RFC3: variants seen among roughly 807,000 people sequenced by gnomAD.
RFC3 encodes A1 38 kDa subunit.
RFC3 carries 41 observed loss-of-function variants against 45.1 expected under a neutral mutation model. The ratio of observed to expected loss-of-function variants is 0.91; its 90% CI spans 0.71 to 1.18. RFC3 has a LOEUF of 1.18. RFC3 is among the 50% of genes most tolerant of loss of function. RFC3 has a pLI of 0.00. For synonymous variants in RFC3, 149 were observed against 144.0 expected (o/e 1.03, Z -0.25); for missense variants, 423 against 428.1 (o/e 0.99, Z 0.10).
chr13:33,820,648 G>C (rs2081993365), intron 1 of RFC3, among the ~76,000 whole-genome samples: 1 of 152,146 alleles, frequency 6.6e-6, no homozygotes, highest in Non-Finnish European at 1.5e-5. Flanking sequence ...CAAATGCACT[G>C]AATTGTTATC....
chr13:33,886,744 A>G (rs973517093), intron 8 of RFC3, among the ~76,000 whole-genome samples: 3 of 144,430 alleles, frequency 2.1e-5, no homozygotes, highest in African/African-American at 7.7e-5. Context: ...TTAACTCATC[A>G]TTTAGCATTA....
intron 8 of RFC3, among the ~76,000 whole-genome samples, chr13:33,884,473 C>T (rs1019878257): frequency 1.3e-5 from 2 of 152,284 alleles, no homozygotes; most frequent in East Asian, 3.9e-4. Flanking sequence ...CAGTTATTCT[C>T]ATTTCTACTA....
chr13:33,913,715 G>A (rs758287009), intron 8 of RFC3, among the ~76,000 whole-genome samples: 5 of 152,108 alleles, frequency 3.3e-5, no homozygotes, highest in Non-Finnish European at 5.9e-5. Flanking sequence ...GCAAGTTTCA[G>A]TGTTTGTCAA....
chr13:33,869,815 A>G (rs1422008350), intron 8 of RFC3, among the ~76,000 whole-genome samples: 1 of 152,212 alleles, frequency 6.6e-6, no homozygotes, highest in Non-Finnish European at 1.5e-5. Flanking sequence ...ATGCTAAAAT[A>G]ATGACTATCA....
At chr13:33,915,825 G>T (rs1042564043) in intron 8 of RFC3, among the ~76,000 whole-genome samples, 3 of 152,056 alleles carry the variant, frequency 2.0e-5, no homozygotes, top group African/African-American at 7.2e-5. Context: ...TTGAGAGAGA[G>T]TCTCACTCTG....
At chr13:33,828,907 G>C (rs1309749870) in intron 4 of RFC3, among the ~76,000 whole-genome samples, 1 of 152,126 alleles carries the variant, frequency 6.6e-6, no homozygotes, top group Admixed American at 6.5e-5. Context: ...AGCTTTTCCT[G>C]TCATAAAGTC....
At chr13:33,857,512 T>C (rs1174394787) in intron 8 of RFC3, among the ~76,000 whole-genome samples, 1 of 152,234 alleles carries the variant, frequency 6.6e-6, no homozygotes, top group Non-Finnish European at 1.5e-5. Flanking sequence ...AATCAGCATC[T>C]CTGGCTGACC....
intron 8 of RFC3, among the ~76,000 whole-genome samples, chr13:33,948,164 C>T (rs2082965812): frequency 2.0e-5 from 3 of 152,274 alleles, no homozygotes; most frequent in South Asian, 4.1e-4. Context: ...CCCAGGGACC[C>T]CCTGCTCCAT....
At chr13:33,976,372 C>T in the RFC3 span, among the ~76,000 whole-genome samples, 5 of 151,946 alleles carry the variant, frequency 3.3e-5, no homozygotes, top group African/African-American at 1.2e-4. Context: ...AAGTGGATCT[C>T]ATGGAAGCAG....
intron 8 of RFC3, among the ~76,000 whole-genome samples, chr13:33,905,246 A>G (rs1566023339): frequency 1.3e-5 from 2 of 149,432 alleles, no homozygotes; most frequent in Non-Finnish European, 3.0e-5. Context: ...ATTGTTCTGT[A>G]TCTTAAGCAA....
At chr13:33,933,449 T>A (rs1432927667) in intron 8 of RFC3, among the ~76,000 whole-genome samples, 1 of 152,156 alleles carries the variant, frequency 6.6e-6, no homozygotes, top group Non-Finnish European at 1.5e-5. Flanking sequence ...TAGCCACTGC[T>A]ATGATTGGGT....
intron 8 of RFC3, among the ~76,000 whole-genome samples, chr13:33,907,302 T>G (rs1457904749): frequency 2.0e-5 from 3 of 152,120 alleles, no homozygotes; most frequent in Non-Finnish European, 4.4e-5. Context: ...TTGCAATCTT[T>G]ATACACCTAA....
intron 8 of RFC3, among the ~76,000 whole-genome samples, chr13:33,906,732 A>C (rs914433340): frequency 4.6e-5 from 7 of 152,152 alleles, no homozygotes; most frequent in African/African-American, 1.7e-4. Flanking sequence ...AAAAAATTAA[A>C]AGATTAATAG....
chr13:33,973,715 A>G, the RFC3 span, among the ~76,000 whole-genome samples: 2 of 149,362 alleles, frequency 1.3e-5, no homozygotes, highest in African/African-American at 4.9e-5. Flanking sequence ...CAGTGGTGCA[A>G]TCTCGGCTCA....
In RFC3 at chr13:33,959,847, G is replaced by T. The variant is rs141444715; in HGVS notation, c.880-6240G>T. Among the ~76,000 whole-genome samples, 340 of 152,268 alleles carry T rather than the reference G, an allele frequency of 2.2e-3. 3 individuals carry two copies. The highest frequency in any genetic ancestry group is 2.6e-3 in the Non-Finnish European group (178 of 68,024). Reference sequence around the variant, plus strand: ...GACTGGGTAGTTTATAAAGAAAAGAGGTCTAATTGGCTCATGGTTCTGCAG... The same window carrying T: ...GACTGGGTAGTTTATAAAGAAAAGATGTCTAATTGGCTCATGGTTCTGCAG... On this transcript the variant is annotated intron_variant, in intron 8 of 8. Coordinates refer to the RFC3 transcript ENST00000434425.
intron 8 of RFC3, among the ~76,000 whole-genome samples, chr13:33,914,929 A>G (rs1490583437): frequency 1.3e-5 from 2 of 152,176 alleles, no homozygotes; most frequent in African/African-American, 4.8e-5. Context: ...GAAGAGTGGA[A>G]TATTCTTTTT....
At chr13:33,875,865 G>A (rs1443252730) in intron 8 of RFC3, among the ~76,000 whole-genome samples, 1 of 152,148 alleles carries the variant, frequency 6.6e-6, no homozygotes, top group Non-Finnish European at 1.5e-5. Context: ...TGGCTCGGTG[G>A]CCTTGGGCAG....
chr13:33,833,011 G>C (rs1022198304), intron 7 of RFC3, among the ~76,000 whole-genome samples: 1 of 152,162 alleles, frequency 6.6e-6, no homozygotes, highest in African/African-American at 2.4e-5. Context: ...AACTTGTGCA[G>C]GAAGCGGTGC....
chr13:33,837,581 T>C (rs1340541614), downstream of RFC3: 2 of 152,126 alleles, frequency 1.3e-5, no homozygotes, highest in Non-Finnish European at 1.5e-5. Flanking sequence ...TACAATATTG[T>C]AAACATTAAC....
Sources: gnomAD v4.1 joint callset for allele counts (sites outside exome capture counted in the v4.1 genomes callset) on GRCh38, gnomAD v4.1.1 for gene constraint, MANE v1.5 for transcripts, NCBI Gene and HGNC (gene_info 2026-07-23, HGNC 2026-07-21) for gene names.